The following VWA8 variants were observed in gnomAD, a reference collection of about 807,000 sequenced individuals.
VWA8 encodes von Willebrand factor A domain-containing protein 8.
A neutral mutation model predicts 241.5 loss-of-function variants in VWA8; 221 were observed. The observed-to-expected ratio is 0.91, with a 90% CI of 0.82 to 1.02. The LOEUF (loss-of-function observed/expected upper bound fraction) is 1.02, where lower values mean the gene tolerates loss of function less well. Ranked by LOEUF, VWA8 falls within the 50% of genes least tolerant of loss-of-function variation. VWA8 has a pLI of 0.00. For missense variants in VWA8, 2,322 were observed against 2,328.7 expected, an observed-to-expected ratio of 1.00 and a Z score of 0.06; for synonymous variants, 852 against 827.1, an observed-to-expected ratio of 1.03 and a Z score of -0.52.
intron 26 of VWA8, 122 bp from the exon 27 acceptor site, chr13:41,703,533 T>C (rs2045263855): frequency 2.7e-6 from 2 of 731,556 alleles, no homozygotes; most frequent in South Asian, 1.9e-5. Context: ...TAGAAGTGAG[T>C]TATACATCAT....
chr13:41,725,101 G>C (rs1025000542), intron 24 of VWA8, among the ~76,000 whole-genome samples: 1 of 151,968 alleles, frequency 6.6e-6, no homozygotes, highest in Non-Finnish European at 1.5e-5. Context: ...GGGGTTCCAA[G>C]TGCATAGGAC....
intron 20 of VWA8, among the ~76,000 whole-genome samples, chr13:41,769,293 A>G (rs1011968802): frequency 3.3e-5 from 5 of 152,248 alleles, no homozygotes; most frequent in African/African-American, 1.2e-4. Context: ...TAGGTGTAAT[A>G]ATAAAATTGT....
At chr13:41,812,311 A>G (rs1196422262) in intron 16 of VWA8, among the ~76,000 whole-genome samples, 1 of 152,164 alleles carries the variant, frequency 6.6e-6, no homozygotes. Context: ...AAATGAGATT[A>G]TTACTGGCCT....
intron 21 of VWA8, among the ~76,000 whole-genome samples, chr13:41,747,898 G>A (rs1281413113): frequency 7.9e-5 from 12 of 152,120 alleles, no homozygotes; most frequent in Middle Eastern, 3.2e-3. Flanking sequence ...GCTGGATTAC[G>A]TTTATTGATT....
At chr13:41,821,161 G>A (rs938251430) in intron 14 of VWA8, among the ~76,000 whole-genome samples, 9 of 152,150 alleles carry the variant, frequency 5.9e-5, no homozygotes, top group Non-Finnish European at 1.2e-4. Flanking sequence ...ATGAGAGCAT[G>A]CTAAATGGTT....
intron 21 of VWA8, among the ~76,000 whole-genome samples, chr13:41,736,508 TAA>T (rs2045525896): frequency 6.6e-6 from 1 of 152,188 alleles, no homozygotes; most frequent in Non-Finnish European, 1.5e-5. Context: ...AAAGGTACAT[TAA>T]GTTAGTATCT....
At chr13:41,691,470 G>A (rs1387091303) in intron 31 of VWA8, 25 bp from the exon 32 acceptor site, 1 of 1,609,316 alleles carries the variant, frequency 6.2e-7, no homozygotes, top group Admixed American at 1.7e-5. Flanking sequence ...AACTGTATCT[G>A]AAAGGAAATG....
At chr13:41,931,383 G>GGAA (rs1555244421) in intron 2 of VWA8, among the ~76,000 whole-genome samples, 1 of 86,866 alleles carries the variant, frequency 1.2e-5, no homozygotes, top group African/African-American at 3.8e-5. Context: ...CAGAGATACA[G>GGAA]AAAAAAAACA....
chr13:41,859,941 T>A lies in VWA8; in HGVS notation c.1425+5795A>T, dbSNP rs1289060275. ...GTATCTACTTTTTCCCACTAAATTC[T>A]CTATGTTGCATCAAACCTCTGGAAC... On this transcript the variant is annotated intron_variant, in intron 12 of 44. Transcript: ENST00000379310. Among the ~76,000 whole-genome samples, 3 of 152,214 alleles carry A rather than the reference T, an allele frequency of 2.0e-5. No individual in the cohort carries two copies. The East Asian group carries it at 5.8e-4, about 29-fold the overall frequency.
chr13:41,708,288 G>A (rs2045295210), intron 26 of VWA8, among the ~76,000 whole-genome samples: 1 of 152,092 alleles, frequency 6.6e-6, no homozygotes, highest in Non-Finnish European at 1.5e-5. Flanking sequence ...TTGAACCCGG[G>A]AGGCAGAGGT....
chr13:41,828,894 TC>T lies in VWA8; in HGVS notation c.1700+1634del, dbSNP rs1305095673. 4.6e-5 allele frequency among the ~76,000 whole-genome samples: 7 copies of T among 152,328 alleles called. No individual in the cohort carries two copies. The East Asian group carries it at 1.3e-3, about 29-fold the overall frequency. The stretch of plus-strand genomic sequence containing the variant: ...TTTATTTTGTTTCCTCCTCCAGGAT[TC>T]AGTCAAGTCTCACCATTGCATTTGG... On this transcript the variant is annotated intron_variant, in intron 14 of 44. Coordinates refer to ENST00000379310, the MANE Select transcript of VWA8 (RefSeq NM_015058.2).
chr13:41,822,122 TATC>T (rs1459323471), intron 14 of VWA8, among the ~76,000 whole-genome samples: 2 of 152,152 alleles, frequency 1.3e-5, no homozygotes, highest in African/African-American at 4.8e-5. Flanking sequence ...TATTAAAAAT[TATC>T]AAACTGTGCA....
At chr13:41,651,054 C>T (rs1342149181) in intron 37 of VWA8, among the ~76,000 whole-genome samples, 1 of 151,806 alleles carries the variant, frequency 6.6e-6, no homozygotes, top group African/African-American at 2.4e-5. Flanking sequence ...AAACAGAAAC[C>T]AAAACAACAT....
intron 2 of VWA8, among the ~76,000 whole-genome samples, chr13:41,946,310 TAGAC>T (rs1877849055): frequency 6.6e-6 from 1 of 151,942 alleles, no homozygotes; most frequent in African/African-American, 2.4e-5. Flanking sequence ...GAAAGCACAC[TAGAC>T]AGTAACTCAA....
At chr13:41,702,497 C>T (rs528833903) in intron 27 of VWA8, among the ~76,000 whole-genome samples, 19 of 152,246 alleles carry the variant, frequency 1.2e-4, no homozygotes, top group Non-Finnish European at 2.8e-4. Context: ...TACCACATGT[C>T]TGGGTGTGTT....
chr13:41,624,926 GTCTCT>G (rs1314403431), intron 37 of VWA8, among the ~76,000 whole-genome samples: 35 of 152,276 alleles, frequency 2.3e-4, no homozygotes, highest in African/African-American at 7.7e-4. Context: ...AAACCCTGTA[GTCTCT>G]GCCCAAAGGC....
chr13:41,650,798 G>T (rs2044864375), intron 37 of VWA8, among the ~76,000 whole-genome samples: 2 of 152,172 alleles, frequency 1.3e-5, no homozygotes, highest in Non-Finnish European at 2.9e-5. Context: ...GAGGAGGGAG[G>T]GATGTGTTTT....
chr13:41,866,853 C>T (rs1873336530), intron 10 of VWA8, among the ~76,000 whole-genome samples: 1 of 152,180 alleles, frequency 6.6e-6, no homozygotes, highest in African/African-American at 2.4e-5. Flanking sequence ...CACTGAGAGG[C>T]ATCTGTTCAC....
At chr13:41,954,600 C>T (rs951814619) in intron 1 of VWA8, among the ~76,000 whole-genome samples, 28 of 152,270 alleles carry the variant, frequency 1.8e-4, no homozygotes, top group African/African-American at 6.5e-4. Context: ...CTGATTTATG[C>T]TTCTGTAATG....
Sources: gnomAD v4.1 joint callset for allele counts (sites outside exome capture counted in the v4.1 genomes callset) on GRCh38, gnomAD v4.1.1 for gene constraint, MANE v1.5 for transcripts, NCBI Gene and HGNC (gene_info 2026-07-23, HGNC 2026-07-21) for gene names.